NCAM2: variants seen among roughly 807,000 people sequenced by gnomAD.
The protein encoded by NCAM2 is neural cell adhesion molecule 2.
A neutral mutation model predicts 98.1 loss-of-function variants in NCAM2; 30 were observed. The observed-to-expected ratio is 0.31, with a 90% CI of 0.23 to 0.41. The LOEUF (loss-of-function observed/expected upper bound fraction) is 0.41. Ranked by LOEUF, NCAM2 falls within the 10% of genes least tolerant of loss-of-function variation. The pLI, the probability that NCAM2 is intolerant of heterozygous loss-of-function variation, is 1.00. For missense variants in NCAM2, 867 were observed against 1,005.8 expected (o/e 0.86, Z 1.87); for synonymous variants, 368 against 342.4 (o/e 1.07, Z -0.83).
intron 1 of NCAM2, among the ~76,000 whole-genome samples, chr21:21,270,946 ATT>A (rs374309457): frequency 6.8e-6 from 1 of 146,400 alleles, no homozygotes; most frequent in Non-Finnish European, 1.5e-5. Context: ...TCTTTTAGTT[ATT>A]TTTTTTTTAT....
chr21:21,362,813 A>G (rs1257612322), intron 8 of NCAM2, among the ~76,000 whole-genome samples: 2 of 152,170 alleles, frequency 1.3e-5, no homozygotes, highest in East Asian at 1.9e-4. Flanking sequence ...TTAACAGGTA[A>G]TAACTATGAA....
At chr21:21,335,053 A>G (rs2061718705) in intron 6 of NCAM2, among the ~76,000 whole-genome samples, 1 of 152,076 alleles carries the variant, frequency 6.6e-6, no homozygotes. Context: ...TTTACATTGT[A>G]TTTACTTTGA....
intron 1 of NCAM2, among the ~76,000 whole-genome samples, chr21:21,268,938 CAAAT>C (rs2072393900): frequency 1.3e-5 from 2 of 152,132 alleles, no homozygotes; most frequent in South Asian, 4.1e-4. Context: ...CCTTCAGAAA[CAAAT>C]AAACCTGAAC....
chr21:21,114,922 G>T (rs2066524409), intron 1 of NCAM2, among the ~76,000 whole-genome samples: 2 of 151,944 alleles, frequency 1.3e-5, no homozygotes, highest in African/African-American at 4.8e-5. Flanking sequence ...CTGGGTTCAA[G>T]TGATTCTTCT....
At chr21:21,306,885 C>T (rs2073896380) in intron 5 of NCAM2, among the ~76,000 whole-genome samples, 1 of 151,106 alleles carries the variant, frequency 6.6e-6, no homozygotes, top group African/African-American at 2.4e-5. Context: ...CTTGTACTCT[C>T]TGTTCCCTGA....
At chr21:21,028,491 C>T (rs1420028516) in intron 1 of NCAM2, among the ~76,000 whole-genome samples, 1 of 152,180 alleles carries the variant, frequency 6.6e-6, no homozygotes, top group African/African-American at 2.4e-5. Context: ...GAACTTGGAT[C>T]ATATGTGAGG....
intron 1 of NCAM2, among the ~76,000 whole-genome samples, chr21:21,185,758 A>G (rs537366964): frequency 2.0e-5 from 3 of 152,310 alleles, no homozygotes; most frequent in Non-Finnish European, 2.9e-5. Context: ...AGTGTATTGT[A>G]TCATGTTCAC....
At chr21:21,211,279 A>C (rs2069651851) in intron 1 of NCAM2, among the ~76,000 whole-genome samples, 2 of 152,090 alleles carry the variant, frequency 1.3e-5, no homozygotes, top group African/African-American at 4.8e-5. Flanking sequence ...CCAGCAAATT[A>C]TTTTTACTAG....
At chr21:21,265,308 TAC>T (rs1257323012) in intron 1 of NCAM2, among the ~76,000 whole-genome samples, 21 of 131,202 alleles carry the variant, frequency 1.6e-4, no homozygotes, top group African/African-American at 5.5e-4. Flanking sequence ...CGTGTATACA[TAC>T]ACGTATATAT....
chr21:21,200,168 A>G (rs1436619609), intron 1 of NCAM2, among the ~76,000 whole-genome samples: 1 of 152,132 alleles, frequency 6.6e-6, no homozygotes, highest in African/African-American at 2.4e-5. Flanking sequence ...CAGCTGACAG[A>G]TAACAATCCC....
intron 9 of NCAM2, among the ~76,000 whole-genome samples, chr21:21,383,568 T>G (rs2076204067): frequency 6.6e-6 from 1 of 152,172 alleles, no homozygotes; most frequent in Non-Finnish European, 1.5e-5. Context: ...CTGATTTTTT[T>G]CCTCTTGAGA....
At chr21:21,343,540 C>T (rs1273807573) in intron 8 of NCAM2, among the ~76,000 whole-genome samples, 1 of 152,180 alleles carries the variant, frequency 6.6e-6, no homozygotes, top group Non-Finnish European at 1.5e-5. Context: ...GCAGCCTTGA[C>T]ATGGTGTCGA....
At chr21:21,043,850 C>CAAAA (rs72473034) in intron 1 of NCAM2, among the ~76,000 whole-genome samples, 3 of 119,944 alleles carry the variant, frequency 2.5e-5, no homozygotes, top group African/African-American at 3.2e-5. Context: ...GAGACTCCGT[C>CAAAA]AAAAAAAAAA....
intron 1 of NCAM2, among the ~76,000 whole-genome samples, chr21:21,019,350 G>C (rs2064381717): frequency 6.6e-6 from 1 of 152,028 alleles, no homozygotes; most frequent in Non-Finnish European, 1.5e-5. Context: ...TTTATTTGTA[G>C]ACATGCAAAC....
At chr21:21,333,717 TTTATGGGCTAA>T (rs1232468941) in intron 6 of NCAM2, among the ~76,000 whole-genome samples, 6 of 152,070 alleles carry the variant, frequency 3.9e-5, no homozygotes, top group Non-Finnish European at 8.8e-5. Flanking sequence ...AAAATGCACA[TTTATGGGCTAA>T]TTGTGAGTGC....
At chr21:21,289,639 T>G (rs556694008) in intron 4 of NCAM2, among the ~76,000 whole-genome samples, 1 of 152,086 alleles carries the variant, frequency 6.6e-6, no homozygotes, top group South Asian at 2.1e-4. Flanking sequence ...AAGTGCAACT[T>G]AGATACTTTT....
intron 1 of NCAM2, among the ~76,000 whole-genome samples, chr21:21,061,758 A>G (rs2065328332): frequency 6.6e-6 from 1 of 152,146 alleles, no homozygotes; most frequent in Non-Finnish European, 1.5e-5. Context: ...CCTACTTACC[A>G]TCCTTTATAG....
chr21:21,294,571 A>G (rs1017227008), intron 5 of NCAM2, among the ~76,000 whole-genome samples: 8 of 151,950 alleles, frequency 5.3e-5, no homozygotes, highest in Admixed American at 1.3e-4. Context: ...CTTTAGGATC[A>G]CAAACTCGCG....
chr21:21,231,117 T>C (rs915607893), intron 1 of NCAM2, among the ~76,000 whole-genome samples: 2 of 151,324 alleles, frequency 1.3e-5, no homozygotes, highest in African/African-American at 4.8e-5. Flanking sequence ...AGAAGTGATA[T>C]ATTGATTTTC....
Sources: allele counts gnomAD v4.1 joint callset (sites outside exome capture counted in the v4.1 genomes callset), GRCh38; gene constraint gnomAD v4.1.1; transcripts MANE v1.5; gene names NCBI Gene and HGNC (gene_info 2026-07-23, HGNC 2026-07-21).